The following SLC24A3 variants were observed in gnomAD, a reference collection of about 807,000 sequenced individuals.
SLC24A3 encodes sodium/potassium/calcium exchanger 3.
A neutral mutation model predicts 75.8 loss-of-function variants in SLC24A3; 28 were observed. The ratio of observed to expected loss-of-function variants is 0.37; its 90% confidence interval spans 0.27 to 0.51. The LOEUF (loss-of-function observed/expected upper bound fraction) is 0.51, where lower values mean the gene tolerates loss of function less well. Among genes scored for constraint, SLC24A3 ranks in the 20% least tolerant of loss-of-function variants. The pLI is 0.94. For missense variants in SLC24A3, 663 were observed against 847.8 expected (o/e 0.78, Z 2.71); for synonymous variants, 372 against 334.1 (o/e 1.11, Z -1.24).
At chr20:19,616,988 T>A (rs1395465624) in intron 6 of SLC24A3, among the ~76,000 whole-genome samples, 5 of 152,204 alleles carry the variant, frequency 3.3e-5, no homozygotes, top group Non-Finnish European at 7.3e-5. Context: ...GTTGAGTGCC[T>A]GTTTGTAGTG....
intron 6 of SLC24A3, among the ~76,000 whole-genome samples, chr20:19,609,855 G>T (rs1467667691): frequency 6.6e-6 from 1 of 152,212 alleles, no homozygotes; most frequent in African/African-American, 2.4e-5. Context: ...TTGGTTTGGA[G>T]CTGTGTGCCT....
intron 7 of SLC24A3, 86 bp from the exon 8 acceptor site, chr20:19,665,778 G>A (rs1384500074): frequency 2.9e-5 from 42 of 1,456,320 alleles, no homozygotes; most frequent in East Asian, 1.5e-4. Context: ...TGGATACTGC[G>A]TGCAGCCTTA....
At chr20:19,639,702 TC>T (rs2032049284) in intron 6 of SLC24A3, among the ~76,000 whole-genome samples, 1 of 152,172 alleles carries the variant, frequency 6.6e-6, no homozygotes, top group Non-Finnish European at 1.5e-5. Context: ...ATGGGGAGGC[TC>T]CGGCCGCACA....
At chr20:19,320,292 G>A (rs531437886) in intron 2 of SLC24A3, among the ~76,000 whole-genome samples, 5 of 152,250 alleles carry the variant, frequency 3.3e-5, no homozygotes, top group African/African-American at 7.2e-5. Context: ...CATAAAGGTC[G>A]AGTTATGAAA....
At chr20:19,506,781 C>A (rs565246189) in intron 2 of SLC24A3, among the ~76,000 whole-genome samples, 1 of 152,290 alleles carries the variant, frequency 6.6e-6, no homozygotes, top group East Asian at 1.9e-4. Context: ...GGCTGTGTAC[C>A]TTTAACTAGT....
At chr20:19,515,963 AT>A (rs1159630950) in intron 3 of SLC24A3, among the ~76,000 whole-genome samples, 2 of 151,972 alleles carry the variant, frequency 1.3e-5, no homozygotes, top group Non-Finnish European at 2.9e-5. Context: ...TTGCATAGTT[AT>A]TTGCTTTTCA....
chr20:19,608,835 T>C (rs1173106682), intron 6 of SLC24A3, among the ~76,000 whole-genome samples: 2 of 152,176 alleles, frequency 1.3e-5, no homozygotes, highest in Non-Finnish European at 2.9e-5. Context: ...CTCCTACTTT[T>C]TTTCCTGCTT....
At chr20:19,238,944 C>T (rs752424016) in intron 1 of SLC24A3, among the ~76,000 whole-genome samples, 11 of 144,256 alleles carry the variant, frequency 7.6e-5, no homozygotes. Context: ...CCATCCCTCA[C>T]CCAGCACACA....
chr20:19,453,387 A>G (rs2143502), intron 2 of SLC24A3, among the ~76,000 whole-genome samples: 30,901 of 151,858 alleles, frequency 0.2, 7,669 homozygotes, highest in African/African-American at 0.57. Context: ...CTTTGGTGGG[A>G]GGATTCTCTA....
intron 2 of SLC24A3, among the ~76,000 whole-genome samples, chr20:19,303,342 G>A (rs888625277): frequency 5.3e-5 from 8 of 152,130 alleles, no homozygotes; most frequent in South Asian, 4.1e-4. Context: ...ACATGCTCTC[G>A]TTCTTTTCTT....
At chr20:19,352,397 C>T (rs1269503130) in intron 2 of SLC24A3, among the ~76,000 whole-genome samples, 2 of 152,174 alleles carry the variant, frequency 1.3e-5, no homozygotes, top group Admixed American at 6.5e-5. Flanking sequence ...CCAACGGCAG[C>T]AACTACCCAA....
intron 2 of SLC24A3, among the ~76,000 whole-genome samples, chr20:19,292,079 G>C (rs1983955128): frequency 6.6e-6 from 1 of 152,228 alleles, no homozygotes; most frequent in Non-Finnish European, 1.5e-5. Context: ...GGCCTGGGGA[G>C]GACCCATGGG....
rs75219103 is a variant in SLC24A3 at position 19,720,908 on chromosome 20, C to T, written c.1786-83C>T. 2.0e-3 allele frequency: 3,064 copies of T among 1,535,984 alleles called. 94 individuals carry two copies. In the East Asian group the frequency reaches 0.062, roughly 31 times the overall value. On this transcript the variant is annotated intron_variant, in intron 16 of 16. Transcript: ENST00000328041. ...AGGCCCATAGTCAGCAGCCCTTCCC[C>T]GGGTCCCCTGGGTTCCCCTACCAAC...
chr20:19,476,587 GAA>G (rs1448083473), intron 2 of SLC24A3, among the ~76,000 whole-genome samples: 2 of 152,186 alleles, frequency 1.3e-5, no homozygotes, highest in Non-Finnish European at 2.9e-5. Flanking sequence ...CAGACTAGGA[GAA>G]AAATCTTGGC....
At chr20:19,693,173 A>G in intron 12 of SLC24A3, 86 bp from the exon 13 acceptor site, 2 of 1,401,720 alleles carry the variant, frequency 1.4e-6, no homozygotes, top group South Asian at 2.9e-5. Flanking sequence ...AGCAGTACAG[A>G]CACTTGGCAG....
At chr20:19,597,524 A>G (rs1183814505) in intron 6 of SLC24A3, among the ~76,000 whole-genome samples, 1 of 152,226 alleles carries the variant, frequency 6.6e-6, no homozygotes, top group Non-Finnish European at 1.5e-5. Context: ...AAATCTGGGT[A>G]TTTAGAGTGT....
At chr20:19,527,639 A>C (rs907572752) in intron 3 of SLC24A3, among the ~76,000 whole-genome samples, 1 of 152,318 alleles carries the variant, frequency 6.6e-6, no homozygotes, top group South Asian at 2.1e-4. Flanking sequence ...CTGTCTCTCT[A>C]AGAGGTCCAG....
intron 2 of SLC24A3, among the ~76,000 whole-genome samples, chr20:19,506,656 C>A (rs1246144034): frequency 1.3e-5 from 2 of 152,182 alleles, no homozygotes; most frequent in Admixed American, 6.5e-5. Context: ...ATTTTCAATA[C>A]TTGATAAAGG....
intron 1 of SLC24A3, among the ~76,000 whole-genome samples, chr20:19,273,953 C>T (rs993667503): frequency 6.6e-6 from 1 of 151,122 alleles, no homozygotes; most frequent in African/African-American, 2.4e-5. Flanking sequence ...TCCAATAGGA[C>T]AGGCCTCCCT....
Sources: allele counts gnomAD v4.1 joint callset (sites outside exome capture counted in the v4.1 genomes callset), GRCh38; gene constraint gnomAD v4.1.1; transcripts MANE v1.5; gene names NCBI Gene and HGNC (gene_info 2026-07-23, HGNC 2026-07-21).